MMP20: variants seen among roughly 807,000 people sequenced by gnomAD.
MMP20 encodes the protein matrix metalloproteinase-20.
MMP20 carries 50 observed loss-of-function variants against 51.8 expected under a neutral mutation model. That is an observed-to-expected ratio of 0.97 (90% CI 0.77 to 1.22). The LOEUF is 1.22. Ranked by LOEUF, MMP20 falls within the 50% of genes most tolerant of loss-of-function variation. The pLI is 0.00. For missense variants in MMP20, 663 were observed against 601.4 expected (o/e 1.10, Z -1.07); for synonymous variants, 244 against 216.2 (o/e 1.13, Z -1.13).
Position 102,617,005 on chromosome 11 carries a change from C to A in MMP20, c.181G>T (p.Val61Phe), listed in dbSNP as rs780266805. Residue 61 changes from valine (V) to phenylalanine (F), a missense_variant, in exon 2 of 10, where the codon GTT becomes TTT. Physicochemically the swap from Val to Phe is conservative, Grantham distance 50 (BLOSUM62 -1). Transcript: ENST00000260228. Reference protein sequence around the residue: ...NKEGHQIGEMVARGSNSMIRK... With the variant: ...NKEGHQIGEMFARGSNSMIRK... ...ATCATGGAATTGCTTCCTCTTGCAA[C>A]CATCTCACCAATCTGGTGTCCTTCT... 23 of 1,614,146 alleles carry A rather than the reference C, an allele frequency of 1.4e-5. No individual in the cohort carries two copies. The highest frequency in any genetic ancestry group is 1.9e-5 in the Non-Finnish European group (23 of 1,180,016).
At chr11:102,617,952 T>C (rs1270791670) in intron 1 of MMP20, among the ~76,000 whole-genome samples, 1 of 152,152 alleles carries the variant, frequency 6.6e-6, no homozygotes, top group Non-Finnish European at 1.5e-5. Flanking sequence ...CATGGGGGAA[T>C]TGGTCCCAGG....
At chr11:102,619,073 C>T (rs929612155) in intron 1 of MMP20, among the ~76,000 whole-genome samples, 5 of 151,854 alleles carry the variant, frequency 3.3e-5, no homozygotes, top group South Asian at 2.1e-4. Context: ...AACAAAGCTG[C>T]GACTATTTGG....
intron 9 of MMP20, among the ~76,000 whole-genome samples, chr11:102,578,767 AAACAAAAAACAAAAC>A (rs1859157162): frequency 8.5e-6 from 1 of 116,968 alleles, no homozygotes; most frequent in African/African-American, 3.8e-5. Context: ...CAAAAAACAA[AAACAAAAAACAAAAC>A]ACACACACAC....
At chr11:102,613,016 C>T (rs1309631893) in intron 2 of MMP20, among the ~76,000 whole-genome samples, 5 of 152,088 alleles carry the variant, frequency 3.3e-5, no homozygotes, top group Non-Finnish European at 4.4e-5. Flanking sequence ...GGATTACAGG[C>T]GTGAGCCACT....
intron 8 of MMP20, among the ~76,000 whole-genome samples, chr11:102,587,250 G>T (rs1448019940): frequency 6.6e-6 from 1 of 152,052 alleles, no homozygotes; most frequent in African/African-American, 2.4e-5. Context: ...CCACATATTT[G>T]TAAGTTTTCT....
chr11:102,599,071 G>A (rs1000923497), intron 6 of MMP20, among the ~76,000 whole-genome samples: 11 of 149,996 alleles, frequency 7.3e-5, no homozygotes, highest in African/African-American at 2.0e-4. Context: ...GGAGTGCAGC[G>A]GCGCAATCTC....
intron 1 of MMP20, among the ~76,000 whole-genome samples, chr11:102,622,854 T>A (rs1565402130): frequency 6.6e-6 from 1 of 152,234 alleles, no homozygotes; most frequent in Non-Finnish European, 1.5e-5. Context: ...TGTGATTTTA[T>A]GAGGCTGATG....
chr11:102,608,272 A>G (rs1280924422), intron 5 of MMP20: 2 of 152,720 alleles, frequency 1.3e-5, no homozygotes, highest in Non-Finnish European at 2.9e-5. Flanking sequence ...ATGTTTCAAG[A>G]TTCCTTCTGA....
chr11:102,591,382 T>G (rs1443837965), intron 8 of MMP20, among the ~76,000 whole-genome samples: 4 of 152,356 alleles, frequency 2.6e-5, no homozygotes, highest in South Asian at 4.1e-4. Flanking sequence ...GATTTTTGAC[T>G]GAATCGCCGC....
intron 2 of MMP20, among the ~76,000 whole-genome samples, 185 bp from the exon 3 acceptor site, chr11:102,612,088 G>A (rs1263484868): frequency 2.0e-5 from 3 of 152,182 alleles, no homozygotes; most frequent in Non-Finnish European, 4.4e-5. Context: ...ACAAATGAAA[G>A]GGAGAGATGA....
intron 3 of MMP20, among the ~76,000 whole-genome samples, chr11:102,610,779 C>T (rs1229268479): frequency 4.0e-5 from 6 of 150,108 alleles, no homozygotes; most frequent in Admixed American, 6.6e-5. Context: ...TTTAAAAAGC[C>T]GACAGAACAA....
At position 102,593,545 on chromosome 11, in the gene MMP20, T is replaced by A; in HGVS notation, c.1141A>T (p.Thr381Ser). Residue 381 changes from threonine to serine, a missense_variant, in exon 8 of 10, where the codon ACT becomes TCT. Transcript: ENST00000260228. ...CTTGGAAATCCAAAGTCATAAATAGTCCGAGGAGGACCTTGCATTTGGAAT... is the reference window on the plus strand; with the variant it reads ...CTTGGAAATCCAAAGTCATAAATAGACCGAGGAGGACCTTGCATTTGGAAT... ...RGFQMQGPPRTIYDFGFPRHV... is the reference protein window; with the variant it reads ...RGFQMQGPPRSIYDFGFPRHV... 1 of 1,614,138 alleles carries A rather than the reference T, an allele frequency of 6.2e-7. No individual in the cohort carries two copies. The highest frequency in any genetic ancestry group is 1.7e-5 in the Admixed American group (1 of 60,016).
chr11:102,589,228 T>A (rs1859287395), intron 8 of MMP20, among the ~76,000 whole-genome samples: 1 of 152,180 alleles, frequency 6.6e-6, no homozygotes, highest in Non-Finnish European at 1.5e-5. Context: ...CTTCAACTGC[T>A]TTCTCTGCCT....
intron 9 of MMP20, among the ~76,000 whole-genome samples, chr11:102,577,650 G>T (rs776413910): frequency 1.1e-4 from 17 of 152,170 alleles, no homozygotes; most frequent in Non-Finnish European, 2.4e-4. Context: ...AGGCCTTCTT[G>T]TTGGGGTCAT....
chr11:102,602,442 C>T (rs928646647), intron 6 of MMP20, among the ~76,000 whole-genome samples: 3 of 152,106 alleles, frequency 2.0e-5, no homozygotes, highest in African/African-American at 4.8e-5. Context: ...CTCTTTGTGG[C>T]TGGTTGCCCC....
At chr11:102,578,057 A>G (rs570398919) in intron 9 of MMP20, among the ~76,000 whole-genome samples, 100 of 152,340 alleles carry the variant, frequency 6.6e-4, no homozygotes, top group South Asian at 2.7e-3. Flanking sequence ...AATGTATTCA[A>G]CAAAGTTCTA....
chr11:102,591,879 G>C (rs76494160), intron 8 of MMP20, among the ~76,000 whole-genome samples: 17,995 of 152,176 alleles, frequency 0.12, 1,137 homozygotes, highest in East Asian at 0.15. Context: ...CCTGGCTGAA[G>C]GTATATGCTT....
intron 1 of MMP20, among the ~76,000 whole-genome samples, chr11:102,621,469 C>G (rs1859750093): frequency 6.6e-6 from 1 of 152,218 alleles, no homozygotes; most frequent in Admixed American, 6.5e-5. Flanking sequence ...TTTCAGTTTT[C>G]TCATCTATAG....
At chr11:102,620,876 T>C (rs1859741638) in intron 1 of MMP20, among the ~76,000 whole-genome samples, 1 of 152,174 alleles carries the variant, frequency 6.6e-6, no homozygotes, top group East Asian at 1.9e-4. Context: ...GGGTGGCAGA[T>C]AGCTGAAAGA....
Sources: allele counts gnomAD v4.1 joint callset (sites outside exome capture counted in the v4.1 genomes callset), GRCh38; gene constraint gnomAD v4.1.1; transcripts MANE v1.5; gene names NCBI Gene and HGNC (gene_info 2026-07-23, HGNC 2026-07-21).